PALLD: variants seen among roughly 807,000 people sequenced by gnomAD.
PALLD encodes the protein palladin, cytoskeletal associated protein.
PALLD carries 61 observed loss-of-function variants against 123.5 expected under a neutral mutation model. That is an observed-to-expected ratio of 0.49 (90% CI 0.40 to 0.61). The LOEUF is 0.61. Ranked by LOEUF, PALLD falls within the 20% of genes least tolerant of loss-of-function variation. The probability of loss-of-function intolerance (pLI) is 0.00; values close to 1 mark genes in which losing one functional copy is unlikely to be tolerated. For missense variants in PALLD, 1,273 were observed against 1,377.0 expected (o/e 0.92, Z 1.20); for synonymous variants, 465 against 496.4 (o/e 0.94, Z 0.84).
intron 2 of PALLD, among the ~76,000 whole-genome samples, chr4:168,597,471 C>T (rs1772111075): frequency 6.6e-6 from 1 of 151,964 alleles, no homozygotes; most frequent in African/African-American, 2.4e-5. Flanking sequence ...ATACCACAAA[C>T]ATTGCAAAAT....
At chr4:168,815,712 A>C (rs1237570955) in intron 10 of PALLD, among the ~76,000 whole-genome samples, 3 of 152,202 alleles carry the variant, frequency 2.0e-5, no homozygotes, top group Non-Finnish European at 4.4e-5. Context: ...GCCCAGTAAC[A>C]GGGCTGCAGG....
intron 10 of PALLD, among the ~76,000 whole-genome samples, chr4:168,796,641 TAA>T (rs1194482845): frequency 6.6e-6 from 1 of 152,204 alleles, no homozygotes; most frequent in Non-Finnish European, 1.5e-5. Context: ...TGGTGGCTGA[TAA>T]GTATTCAAAT....
At chr4:168,560,177 A>G (rs942311193) in intron 2 of PALLD, among the ~76,000 whole-genome samples, 14 of 152,190 alleles carry the variant, frequency 9.2e-5, no homozygotes, top group African/African-American at 3.4e-4. Context: ...CTGAAGACCC[A>G]TAATTAGATT....
At chr4:168,695,740 A>G (rs1283996115) in intron 8 of PALLD, among the ~76,000 whole-genome samples, 1 of 152,234 alleles carries the variant, frequency 6.6e-6, no homozygotes, top group Non-Finnish European at 1.5e-5. Flanking sequence ...TAAGAATAAA[A>G]TAATAGTATT....
At chr4:168,858,014 C>T (rs1284830940) in intron 10 of PALLD, among the ~76,000 whole-genome samples, 4 of 152,236 alleles carry the variant, frequency 2.6e-5, no homozygotes, top group Non-Finnish European at 4.4e-5. Context: ...GCTCCCCACA[C>T]AGCAACACTT....
chr4:168,809,388 G>A (rs1430014737), intron 10 of PALLD, among the ~76,000 whole-genome samples: 1 of 151,594 alleles, frequency 6.6e-6, no homozygotes, highest in African/African-American at 2.4e-5. Context: ...CCAGGCTGGA[G>A]GGCAATGGTT....
At chr4:168,618,486 C>T (rs1432920259) in intron 2 of PALLD, among the ~76,000 whole-genome samples, 3 of 152,134 alleles carry the variant, frequency 2.0e-5, no homozygotes, top group South Asian at 2.1e-4. Flanking sequence ...GGGCCATACT[C>T]GTACAGGTAA....
intron 10 of PALLD, among the ~76,000 whole-genome samples, chr4:168,738,654 C>T (rs1444386073): frequency 9.1e-5 from 13 of 143,140 alleles, no homozygotes; most frequent in Admixed American, 7.7e-4. Flanking sequence ...TGGCCTCGAT[C>T]TCCTGACCTC....
chr4:168,785,999 G>A (rs987292809), intron 10 of PALLD, among the ~76,000 whole-genome samples: 1 of 151,636 alleles, frequency 6.6e-6, no homozygotes, highest in East Asian at 1.9e-4. Context: ...GGAATACAGT[G>A]TGACCAATAA....
chr4:168,899,605 G>A (rs1756011414), intron 14 of PALLD, among the ~76,000 whole-genome samples: 1 of 152,038 alleles, frequency 6.6e-6, no homozygotes, highest in African/African-American at 2.4e-5. Context: ...TCCTGAGACT[G>A]GGTAATTTAT....
chr4:168,737,221 G>A (rs1445087013), intron 10 of PALLD, among the ~76,000 whole-genome samples: 2 of 152,172 alleles, frequency 1.3e-5, no homozygotes, highest in South Asian at 2.1e-4. Context: ...ATGGAATAGA[G>A]GCTAATGAAC....
At chr4:168,866,808 A>G (rs1750353085) in intron 10 of PALLD, among the ~76,000 whole-genome samples, 1 of 152,216 alleles carries the variant, frequency 6.6e-6, no homozygotes, top group South Asian at 2.1e-4. Flanking sequence ...CATTATATGC[A>G]TGGAATGTGT....
At chr4:168,521,171 C>CA (rs758485574) in intron 2 of PALLD, among the ~76,000 whole-genome samples, 12 of 147,024 alleles carry the variant, frequency 8.2e-5, no homozygotes, top group South Asian at 4.3e-4. Context: ...CTGCAGATGG[C>CA]AAAAAAAACA....
At chr4:168,546,735 G>A (rs1766172967) in intron 2 of PALLD, among the ~76,000 whole-genome samples, 1 of 152,184 alleles carries the variant, frequency 6.6e-6, no homozygotes, top group Non-Finnish European at 1.5e-5. Flanking sequence ...CACTTAAAAT[G>A]TGAGGGCTAA....
In PALLD at chr4:168,869,348, T is replaced by G. The variant is rs1750770185; in HGVS notation, c.1965-21574T>G. Among the ~76,000 whole-genome samples, 1 of 152,098 alleles carries G rather than the reference T, an allele frequency of 6.6e-6. No individual in the cohort carries two copies. Among genetic ancestry groups the G allele is most frequent in the Admixed American group, 6.5e-5 (1 of 15,270 alleles). ...TGAGATGATAATGCCACTGCCAAAC[T>G]GACAGTGCCATGCCAGCCTTGTGGG... On this transcript the variant is annotated intron_variant, in intron 10 of 21. Transcript: ENST00000505667. The surrounding 1 kb of genome is among the most constrained non-coding windows in gnomAD (Gnocchi z 4.5).
At chr4:168,637,496 T>C (rs1355166037) in intron 2 of PALLD, among the ~76,000 whole-genome samples, 1 of 138,480 alleles carries the variant, frequency 7.2e-6, no homozygotes, top group African/African-American at 3.0e-5. Flanking sequence ...TGTTACTTTT[T>C]ATTTAAAAAA....
intron 10 of PALLD, among the ~76,000 whole-genome samples, chr4:168,800,056 A>G (rs1318963465): frequency 6.6e-6 from 1 of 152,214 alleles, no homozygotes; most frequent in Non-Finnish European, 1.5e-5. Context: ...TTTCCCTCTT[A>G]TCAGAGGCAG....
chr4:168,570,720 G>A (rs1768891741), intron 2 of PALLD, among the ~76,000 whole-genome samples: 1 of 152,102 alleles, frequency 6.6e-6, no homozygotes, highest in Non-Finnish European at 1.5e-5. Context: ...AAGGCTAGAG[G>A]GACATTTTTT....
intron 10 of PALLD, among the ~76,000 whole-genome samples, chr4:168,769,397 A>T (rs1475441227): frequency 6.6e-6 from 1 of 152,144 alleles, no homozygotes; most frequent in East Asian, 1.9e-4. Flanking sequence ...GAATCTCTGA[A>T]GGTGCAAAGC....
Sources: allele counts gnomAD v4.1 joint callset (sites outside exome capture counted in the v4.1 genomes callset), GRCh38; gene constraint gnomAD v4.1.1; non-coding constraint Gnocchi (gnomAD v3.1); transcripts MANE v1.5; gene names NCBI Gene and HGNC (gene_info 2026-07-23, HGNC 2026-07-21).